EXOC2: variants seen among roughly 807,000 people sequenced by gnomAD.
The protein encoded by EXOC2 is exocyst complex component 2, also known as SEC5-like 1.
In EXOC2, 70 loss-of-function variants were observed where a neutral mutation model predicts 131.8. That is an observed-to-expected ratio of 0.53 (90% confidence interval 0.44 to 0.65). The LOEUF is 0.65. Ranked by LOEUF, EXOC2 falls within the 30% of genes least tolerant of loss-of-function variation. The pLI is 0.00. For synonymous variants in EXOC2, 411 were observed against 398.4 expected, an observed-to-expected ratio of 1.03 and a Z score of -0.38; for missense variants, 923 against 1,108.6, an observed-to-expected ratio of 0.83 and a Z score of 2.38.
In EXOC2 at chr6:576,827, T is replaced by C; in HGVS notation, c.1248A>G (p.Ser416=). 6.2e-7 allele frequency: 1 copy of C among 1,614,078 alleles called. No homozygotes were observed. Among genetic ancestry groups the C allele is most frequent in the South Asian group, 1.1e-5 (1 of 91,060 alleles). The change falls in exon 12 of 28, where the codon TCA becomes TCG. Residue 416 remains serine, a synonymous_variant. Coordinates refer to ENST00000230449, the MANE Select transcript of EXOC2 (RefSeq NM_018303.6). ...MLDLDNDTRP[S]VLGHLSQTAS... ...CTGTCTGACTGAGATGGCCCAACACTGAGGGACGTGTATCATTATCAAGAT... is the reference window on the plus strand; with the variant it reads ...CTGTCTGACTGAGATGGCCCAACACCGAGGGACGTGTATCATTATCAAGAT...
chr6:577,487 A>C (rs1758648946), intron 11 of EXOC2, among the ~76,000 whole-genome samples: 1 of 152,210 alleles, frequency 6.6e-6, no homozygotes, highest in South Asian at 2.1e-4. Context: ...CCGGCAGGAT[A>C]AAGTCTACCC....
At chr6:581,178 C>T (rs1408656094) in intron 11 of EXOC2, among the ~76,000 whole-genome samples, 1 of 151,980 alleles carries the variant, frequency 6.6e-6, no homozygotes, top group East Asian at 1.9e-4. Flanking sequence ...TGCCTGTAGT[C>T]CCAGCTACTC....
intron 11 of EXOC2, among the ~76,000 whole-genome samples, chr6:588,201 A>G (rs1167776928): frequency 6.6e-6 from 1 of 152,234 alleles, no homozygotes; most frequent in East Asian, 1.9e-4. Flanking sequence ...AATTACCTAC[A>G]TTTAGATTAG....
intron 23 of EXOC2, among the ~76,000 whole-genome samples, chr6:514,583 T>C (rs995049537): frequency 2.6e-5 from 4 of 152,206 alleles, no homozygotes; most frequent in Non-Finnish European, 4.4e-5. Context: ...AGCGCGTGGT[T>C]TGGAGCCCCT....
In EXOC2 at chr6:673,466, G is replaced by A. The variant is rs192901171; in HGVS notation, c.-44+19553C>T. Among the ~76,000 whole-genome samples, 69 of 152,158 alleles carry A rather than the reference G, an allele frequency of 4.5e-4. No individual in the cohort carries two copies. In the East Asian group the frequency reaches 0.011, roughly 23 times the overall value. The stretch of plus-strand genomic sequence containing the variant: ...TTTTATTTATTCAGAAATATAAAGT[G>A]CAATTTTTAAACTATCTGGAAACAG... On this transcript the variant is annotated intron_variant, in intron 1 of 27. Transcript: ENST00000230449.
At chr6:616,660 A>G (rs1299443737) in intron 6 of EXOC2, among the ~76,000 whole-genome samples, 1 of 151,834 alleles carries the variant, frequency 6.6e-6, no homozygotes, top group African/African-American at 2.4e-5. Context: ...TGCATCACAT[A>G]CACTGCATCA....
intron 7 of EXOC2, among the ~76,000 whole-genome samples, chr6:602,932 C>T (rs921550313): frequency 2.6e-5 from 4 of 152,212 alleles, no homozygotes; most frequent in Non-Finnish European, 5.9e-5. Context: ...ACGGAACAAA[C>T]ATCTTTGTAT....
chr6:657,754 C>T (rs79276749), intron 1 of EXOC2, among the ~76,000 whole-genome samples: 1,929 of 116,200 alleles, frequency 0.017, 39 homozygotes, highest in African/African-American at 0.057. Context: ...ACCTGTAGCA[C>T]TCTGGCAGGC....
At chr6:631,517 A>C (rs376775784) in intron 3 of EXOC2, among the ~76,000 whole-genome samples, 1 of 151,962 alleles carries the variant, frequency 6.6e-6, no homozygotes, top group Non-Finnish European at 1.5e-5. Context: ...GCACTCCAGC[A>C]TGGGCGACAG....
intron 22 of EXOC2, among the ~76,000 whole-genome samples, chr6:547,331 A>T (rs548568208): frequency 6.6e-6 from 1 of 152,364 alleles, no homozygotes; most frequent in Non-Finnish European, 1.5e-5. Flanking sequence ...AGCAGGAGGA[A>T]ATATCCCCGG....
In EXOC2 at chr6:638,699, G is replaced by A. The variant is rs146673837; in HGVS notation, c.-43-838C>T. On this transcript the variant is annotated intron_variant, in intron 1 of 27. Transcript: ENST00000230449. ...TGTAATCCCAGCACTGTCGGAGGCC[G>A]AGGCGGGCGGATCACGAGTCAGGAG... Among the ~76,000 whole-genome samples the A allele has an allele frequency of 3.0e-4, 46 of 152,292 alleles. No individual in the cohort carries two copies. The East Asian group carries it at 8.3e-3, about 28-fold the overall frequency.
chr6:560,719 T>A (rs1757653341), intron 17 of EXOC2, among the ~76,000 whole-genome samples: 1 of 152,086 alleles, frequency 6.6e-6, no homozygotes, highest in Non-Finnish European at 1.5e-5. Flanking sequence ...TCTTTTTTTT[T>A]TTTTGAGATG....
intron 21 of EXOC2, among the ~76,000 whole-genome samples, chr6:552,701 T>C (rs555069745): frequency 1.3e-5 from 2 of 152,332 alleles, no homozygotes; most frequent in East Asian, 3.9e-4. Context: ...TATCATTCTC[T>C]ACCTAGTCAT....
rs539718192 is a variant in EXOC2, at chr6:651,099, C to T, written c.-43-13238G>A. ...GCTGGAGGGCAGTAGCGTGTGATCT[C>T]GGCTCACTGCAAGCTCTGCCTCGCA... On this transcript the variant is annotated intron_variant, in intron 1 of 27. Transcript: ENST00000230449. 1.3e-3 allele frequency among the ~76,000 whole-genome samples: 189 copies of T among 150,584 alleles called. 1 individual carries two copies. The highest frequency in any genetic ancestry group is 4.6e-3 in the African/African-American group (187 of 40,904).
intron 1 of EXOC2, among the ~76,000 whole-genome samples, chr6:673,026 A>G (rs752173035): frequency 2.6e-5 from 4 of 151,976 alleles, no homozygotes; most frequent in Non-Finnish European, 4.4e-5. Flanking sequence ...TTGGGAGGCC[A>G]AGGCGGGCAG....
intron 1 of EXOC2, among the ~76,000 whole-genome samples, chr6:691,730 G>A (rs1056791685): frequency 2.0e-5 from 3 of 152,206 alleles, no homozygotes; most frequent in East Asian, 3.8e-4. Flanking sequence ...AGGGTCAACT[G>A]TAGTTCAAAA....
At chr6:581,088 G>A (rs145763858) in intron 11 of EXOC2, among the ~76,000 whole-genome samples, 3 of 152,204 alleles carry the variant, frequency 2.0e-5, no homozygotes, top group Admixed American at 6.5e-5. Context: ...GAGGTCAGGA[G>A]TTCGAGACCG....
intron 1 of EXOC2, among the ~76,000 whole-genome samples, chr6:658,663 A>ATTT (rs1321564513): frequency 1.4e-5 from 1 of 71,850 alleles, no homozygotes; most frequent in African/African-American, 4.3e-5. Context: ...ATATATATAT[A>ATTT]TATTTTTTTT....
chr6:565,384 T>C (rs1757918763), intron 13 of EXOC2, among the ~76,000 whole-genome samples: 1 of 152,232 alleles, frequency 6.6e-6, no homozygotes, highest in Non-Finnish European at 1.5e-5. Flanking sequence ...GAGATTTCAG[T>C]GTAATTTAGG....
Sources: allele counts gnomAD v4.1 joint callset (sites outside exome capture counted in the v4.1 genomes callset), GRCh38; gene constraint gnomAD v4.1.1; transcripts MANE v1.5; gene names NCBI Gene and HGNC (gene_info 2026-07-23, HGNC 2026-07-21).